The following GPLD1 variants were observed in gnomAD, a reference collection of about 807,000 sequenced individuals.
GPLD1 encodes the protein phosphatidylinositol-glycan-specific phospholipase D.
GPLD1 carries 84 observed loss-of-function variants against 112.6 expected under a neutral mutation model. The observed-to-expected ratio is 0.75, with a 90% CI of 0.63 to 0.89. The LOEUF is 0.89. Ranked by LOEUF, GPLD1 falls within the 40% of genes least tolerant of loss-of-function variation. GPLD1 has a pLI of 0.00. For synonymous variants in GPLD1, 386 were observed against 403.8 expected (o/e 0.96, Z 0.53); for missense variants, 1,044 against 1,051.5 (o/e 0.99, Z 0.10).
chr6:24,425,456 T>C (rs1055782568), downstream of GPLD1: 1 of 152,218 alleles, frequency 6.6e-6, no homozygotes, highest in African/African-American at 2.4e-5. Context: ...AAGTTGCTAG[T>C]GTTTTATAGA....
intron 12 of GPLD1, among the ~76,000 whole-genome samples, chr6:24,459,449 G>T (rs1458784278): frequency 8.2e-6 from 1 of 122,564 alleles, no homozygotes; most frequent in Non-Finnish European, 1.9e-5. Flanking sequence ...TAGAGACAGG[G>T]TCTCATTATG....
At chr6:24,440,875 T>C (rs1762725011) in intron 20 of GPLD1, among the ~76,000 whole-genome samples, 1 of 152,166 alleles carries the variant, frequency 6.6e-6, no homozygotes, top group South Asian at 2.1e-4. Flanking sequence ...TTAAATCTGA[T>C]TCTTTTCACA....
chr6:24,461,245 A>G (rs1233406265), intron 11 of GPLD1, among the ~76,000 whole-genome samples: 1 of 152,144 alleles, frequency 6.6e-6, no homozygotes, highest in Non-Finnish European at 1.5e-5. Flanking sequence ...GGGTTCTGGC[A>G]ACCCCAAGAA....
At chr6:24,479,734 GA>G in intron 3 of GPLD1, 146 bp downstream of exon 3, 1 of 520,974 alleles carries the variant, frequency 1.9e-6, no homozygotes, top group South Asian at 3.4e-5. Context: ...ATATTGTTGG[GA>G]AACAAATTGT....
At chr6:24,473,256 A>C (rs1305181871) in intron 6 of GPLD1, 1 of 166,698 alleles carries the variant, frequency 6.0e-6, no homozygotes, top group African/African-American at 2.4e-5. Flanking sequence ...AATATTTAAA[A>C]GCAATTTACT....
intron 20 of GPLD1, among the ~76,000 whole-genome samples, chr6:24,443,547 C>T (rs1287761007): frequency 2.0e-5 from 3 of 152,300 alleles, no homozygotes; most frequent in South Asian, 2.1e-4. Flanking sequence ...TGAGTTATCA[C>T]GACCCTCATT....
intron 23 of GPLD1, 43 bp downstream of exon 23, chr6:24,433,320 T>G: frequency 6.3e-7 from 1 of 1,587,668 alleles, no homozygotes; most frequent in Non-Finnish European, 8.7e-7. Flanking sequence ...AGGGGCATTG[T>G]TTTGGTAATT....
chr6:24,468,126 G>A (rs149295334), intron 7 of GPLD1, among the ~76,000 whole-genome samples: 14,077 of 151,902 alleles, frequency 0.093, 883 homozygotes, highest in South Asian at 0.16. Context: ...GGCTGGTCTC[G>A]AACTCCCAAC....
At chr6:24,435,088 T>G (rs1347613401) in intron 22 of GPLD1, among the ~76,000 whole-genome samples, 2 of 149,836 alleles carry the variant, frequency 1.3e-5, no homozygotes, top group Admixed American at 6.7e-5. Context: ...CTCGACTCAC[T>G]GCAAGCTCCG....
rs779405565 is a variant in GPLD1, at chr6:24,448,149, G to A, written c.1506C>T (p.Ile502=). 1 of 1,611,544 alleles carries A rather than the reference G, an allele frequency of 6.2e-7. No homozygotes were observed. Among genetic ancestry groups the A allele is most frequent in the Non-Finnish European group, 8.5e-7 (1 of 1,179,202 alleles). The change falls in exon 16 of 25, where the codon ATC becomes ATT. Residue 502 remains isoleucine, a synonymous_variant. Coordinates refer to ENST00000230036, the MANE Select transcript of GPLD1 (RefSeq NM_001503.4). The part of the protein sequence containing the change: ...KQGGMSSSPN[I]TISCQDIYCN... Reference sequence around the variant, plus strand: ...GTAAACATACCTGGCAAGAAATGGTGATGTTAGGGGAAGAAGACATTCCTC... The same window carrying A: ...GTAAACATACCTGGCAAGAAATGGTAATGTTAGGGGAAGAAGACATTCCTC...
intron 3 of GPLD1, among the ~76,000 whole-genome samples, chr6:24,479,514 A>T (rs1764132047): frequency 6.6e-6 from 1 of 152,222 alleles, no homozygotes; most frequent in Admixed American, 6.5e-5. Flanking sequence ...AAGACATGAA[A>T]ATTGAGATTC....
chr6:24,493,369 G>C (rs1037765939), upstream of GPLD1, among the ~76,000 whole-genome samples: 2 of 152,084 alleles, frequency 1.3e-5, no homozygotes, highest in Non-Finnish European at 2.9e-5. Flanking sequence ...CCATCTACTC[G>C]GGAGGCTGAG....
intron 7 of GPLD1, 131 bp from the exon 8 acceptor site, chr6:24,467,405 C>T (rs2793445): frequency 0.88 from 540,872 of 614,834 alleles, 241,008 homozygotes; most frequent in African/African-American, 0.95. Context: ...TTACATGCAC[C>T]AGTTATTTAA....
In GPLD1 at chr6:24,466,654, G is replaced by C. The variant is rs778276779; in HGVS notation, c.821+26C>G. 28 of 1,593,660 alleles carry C rather than the reference G, an allele frequency of 1.8e-5. 1 individual carries two copies. In the South Asian group the frequency reaches 3.1e-4, roughly 18 times the overall value. ...GGGGTAAAAAGGCAGAGAGTGATTGGTAATAGAAATGCAATATGAATTCAC... is the reference window on the plus strand; with the variant it reads ...GGGGTAAAAAGGCAGAGAGTGATTGCTAATAGAAATGCAATATGAATTCAC... On this transcript the variant is annotated intron_variant, in intron 10 of 24. Transcript: ENST00000230036.
chr6:24,478,271 T>C (rs1392418540), intron 3 of GPLD1, among the ~76,000 whole-genome samples: 3 of 152,092 alleles, frequency 2.0e-5, no homozygotes, highest in South Asian at 4.2e-4. Context: ...GGCAAAATAA[T>C]AGGATTGAGA....
rs147743216 is a variant in GPLD1, at chr6:24,436,492, A to G, written c.2358+84T>C. ...CTAGGAGGTATGAATTCAGGTAAGC[A>G]CTTTATAGTGGACATGAGTTAACAA... On this transcript the variant is annotated intron_variant, in intron 22 of 24. Coordinates refer to ENST00000230036, the MANE Select transcript of GPLD1 (RefSeq NM_001503.4). 3.2e-3 allele frequency: 3,796 copies of G among 1,201,538 alleles called. 126 individuals are homozygous for G. The Admixed American group carries it at 0.057, about 18-fold the overall frequency. The allele number at this position is 1,201,538 out of a possible 1,614,324, so 74.4% of individuals were successfully genotyped here.
At chr6:24,424,944 C>T (rs1762179101), downstream of GPLD1, 1 of 148,560 alleles carries the variant, frequency 6.7e-6, no homozygotes, top group Non-Finnish European at 1.5e-5. Context: ...AAGGTTTCCC[C>T]ACTCCTGTGT....
In GPLD1 at chr6:24,475,221, TTC is replaced by T. The variant is rs755158989; in HGVS notation, c.339_340del (p.Lys114ThrfsTer20). 26 of 1,593,702 alleles carry T rather than the reference TTC, an allele frequency of 1.6e-5. No individual in the cohort carries two copies. In the Admixed American group the frequency reaches 4.3e-4, roughly 27 times the overall value. ...AATTCCAAACAAGAAAGCTACCAGTTTCTCTGTGTCCTGCCAAACAAGCAAAT... is the reference window on the plus strand; with the variant it reads ...AATTCCAAACAAGAAAGCTACCAGTTTCTGTGTCCTGCCAAACAAGCAAAT... On this transcript the variant is annotated frameshift_variant, in exon 5 of 25. Coordinates refer to ENST00000230036, the MANE Select transcript of GPLD1 (RefSeq NM_001503.4). LOFTEE classifies it high-confidence loss of function.
At chr6:24,483,507 C>T (rs1764270754) in intron 2 of GPLD1, among the ~76,000 whole-genome samples, 1 of 151,346 alleles carries the variant, frequency 6.6e-6, no homozygotes, top group South Asian at 2.1e-4. Context: ...GGTGAAACTG[C>T]GACTCTACTG....
Sources: gnomAD v4.1 joint callset for allele counts (sites outside exome capture counted in the v4.1 genomes callset) on GRCh38, gnomAD v4.1.1 for gene constraint, MANE v1.5 for transcripts, NCBI Gene and HGNC (gene_info 2026-07-23, HGNC 2026-07-21) for gene names.